The following PUM1 variants were observed in gnomAD, a reference collection of about 807,000 sequenced individuals.
PUM1 encodes pumilio homolog 1.
A neutral mutation model predicts 131.8 loss-of-function variants in PUM1; 13 were observed. That is an observed-to-expected ratio of 0.10 (90% CI 0.06 to 0.16). The LOEUF is 0.16. Among genes scored for constraint, PUM1 ranks in the 10% least tolerant of loss-of-function variants. The pLI is 1.00. For synonymous variants in PUM1, 509 were observed against 556.5 expected, an observed-to-expected ratio of 0.91 and a Z score of 1.20; for missense variants, 961 against 1,512.4, an observed-to-expected ratio of 0.64 and a Z score of 6.05.
rs763219025 is a variant in PUM1, at chr1:31,059,491, G to A, written c.76C>T (p.Pro26Ser). The A allele has an allele frequency of 5.7e-5, 92 of 1,614,192 alleles. 9 individuals carry two copies. The South Asian group carries it at 9.9e-4, about 17-fold the overall frequency. The change falls in exon 2 of 22, where the codon CCT becomes TCT. Residue 26 changes from proline (P) to serine (S), a missense_variant. Pro to Ser is a moderately conservative substitution (Grantham distance 74). Transcript: ENST00000426105. ...DSFSPHLKHH[P>S]QEPANPNMPV... The stretch of plus-strand genomic sequence containing the variant: ...ATGTTGGGATTAGCTGGTTCTTGAG[G>A]GTGATGTTTCAGGTGGGGGCTGAAA...
At chr1:30,957,087 T>TTCACACACAC (rs1553145750) in intron 14 of PUM1, among the ~76,000 whole-genome samples, 1 of 139,904 alleles carries the variant, frequency 7.1e-6, no homozygotes, top group African/African-American at 2.7e-5. Flanking sequence ...AGGACATTCA[T>TTCACACACAC]ACACACACAC....
At chr1:31,027,872 AAAGT>A (rs1643283190) in intron 3 of PUM1, among the ~76,000 whole-genome samples, 1 of 152,210 alleles carries the variant, frequency 6.6e-6, no homozygotes, top group African/African-American at 2.4e-5. Context: ...ACCCTAGAAT[AAAGT>A]AATTCTCCCT....
At chr1:30,999,115 C>T (rs1302021630) in intron 5 of PUM1, among the ~76,000 whole-genome samples, 1 of 152,168 alleles carries the variant, frequency 6.6e-6, no homozygotes, top group Admixed American at 6.5e-5. Context: ...ATCCTTCCAC[C>T]TTAGCCTCCC....
chr1:31,034,968 T>C (rs571134652), intron 2 of PUM1, among the ~76,000 whole-genome samples: 1 of 152,264 alleles, frequency 6.6e-6, no homozygotes, highest in African/African-American at 2.4e-5. Flanking sequence ...GGAAAGAGAA[T>C]ATAAGAATTA....
rs58848270 is a variant in PUM1, at chr1:30,942,191, TTATA to T, written c.2995-72_2995-69del. ...ACCACCTTCAATGCTTCAGTATTGTTTATATATATATATATATATATATATATAT... is the reference window on the plus strand; with the variant it reads ...ACCACCTTCAATGCTTCAGTATTGTTTATATATATATATATATATATATAT... On this transcript the variant is annotated intron_variant, in intron 18 of 21. Transcript: ENST00000426105. 9.8e-3 allele frequency: 1,422 copies of T among 144,838 alleles called. 7 individuals are homozygous for T. The highest frequency in any genetic ancestry group is 0.021 in the African/African-American group (351 of 16,520). 9.0% of individuals were successfully genotyped at this position (144,838 alleles called of 1,614,324 possible).
intron 2 of PUM1, among the ~76,000 whole-genome samples, chr1:31,044,411 A>G (rs1394483706): frequency 3.3e-5 from 5 of 152,108 alleles, no homozygotes; most frequent in Non-Finnish European, 7.3e-5. Flanking sequence ...AAAATAAAAA[A>G]TAAAAATAAA....
chr1:30,991,550 C>G (rs1238792790), intron 7 of PUM1, among the ~76,000 whole-genome samples: 1 of 152,174 alleles, frequency 6.6e-6, no homozygotes, highest in African/African-American at 2.4e-5. Context: ...AAATGAGATG[C>G]TAACCTTTCA....
intron 2 of PUM1, among the ~76,000 whole-genome samples, chr1:31,037,495 G>A (rs1643649626): frequency 6.6e-6 from 1 of 152,130 alleles, no homozygotes; most frequent in South Asian, 2.1e-4. Context: ...AAGGCGGGCG[G>A]ATCACTTGAG....
intron 20 of PUM1, among the ~76,000 whole-genome samples, chr1:30,939,998 G>A (rs988891150): frequency 7.9e-5 from 12 of 152,242 alleles, no homozygotes; most frequent in African/African-American, 2.6e-4. Flanking sequence ...GAGAACCCAA[G>A]AGATTCTGAT....
chr1:31,040,357 C>G (rs1360321881), intron 2 of PUM1, among the ~76,000 whole-genome samples: 1 of 152,050 alleles, frequency 6.6e-6, no homozygotes, highest in Non-Finnish European at 1.5e-5. Flanking sequence ...AGGCACCCAA[C>G]CTTGGAGAAA....
At chr1:30,959,600 T>G (rs1640319928) in intron 14 of PUM1, among the ~76,000 whole-genome samples, 1 of 152,030 alleles carries the variant, frequency 6.6e-6, no homozygotes, top group Non-Finnish European at 1.5e-5. Context: ...AAAAGCCACA[T>G]GATCGTCAAT....
intron 1 of PUM1, 82 bp downstream of exon 1, chr1:31,065,534 T>G: frequency 7.2e-7 from 1 of 1,392,378 alleles, no homozygotes; most frequent in African/African-American, 1.5e-5. Context: ...CCACAACCAC[T>G]CTCAAACACC....
At chr1:31,057,174 C>T (rs575687182) in intron 2 of PUM1, among the ~76,000 whole-genome samples, 2 of 152,232 alleles carry the variant, frequency 1.3e-5, no homozygotes, top group African/African-American at 4.8e-5. Flanking sequence ...GAGTCCAAGG[C>T]AGGTGGATCA....
intron 9 of PUM1, among the ~76,000 whole-genome samples, chr1:30,977,390 A>C (rs1264162672): frequency 6.6e-6 from 1 of 152,196 alleles, no homozygotes; most frequent in Non-Finnish European, 1.5e-5. Flanking sequence ...TAATAGTCCC[A>C]ACGCTCTCCC....
chr1:30,989,896 A>T (rs1641720832), intron 7 of PUM1, among the ~76,000 whole-genome samples: 1 of 152,194 alleles, frequency 6.6e-6, no homozygotes, highest in African/African-American at 2.4e-5. Flanking sequence ...TTATCTACAA[A>T]ACTGAGTGTC....
At chr1:30,958,950 T>C (rs1299434038) in intron 14 of PUM1, among the ~76,000 whole-genome samples, 4 of 152,110 alleles carry the variant, frequency 2.6e-5, no homozygotes, top group Non-Finnish European at 5.9e-5. Context: ...ATGGGGAAGA[T>C]GGGAGAGGAA....
intron 7 of PUM1, among the ~76,000 whole-genome samples, chr1:30,986,973 T>C (rs1309941541): frequency 1.3e-5 from 2 of 152,206 alleles, no homozygotes; most frequent in Non-Finnish European, 2.9e-5. Flanking sequence ...ATGAATACCA[T>C]ACTTCAACTT....
Position 30,967,324 on chromosome 1 carries a change from G to C in PUM1, c.1646-14C>G. The C allele has an allele frequency of 6.2e-7, 1 of 1,608,608 alleles. No homozygotes were observed. Among genetic ancestry groups the C allele is most frequent in the Non-Finnish European group, 8.5e-7 (1 of 1,175,412 alleles). On this transcript the variant is annotated splice_polypyrimidine_tract_variant and intron_variant, in intron 11 of 21. Coordinates refer to ENST00000426105, the MANE Select transcript of PUM1 (RefSeq NM_001020658.2). ...ACACCGGATAACCTAGGAATATCAA[G>C]CCAACAAAGAAATGTATATGTTAAA...
chr1:31,016,869 G>C (rs1557587607), intron 3 of PUM1, among the ~76,000 whole-genome samples: 1 of 152,124 alleles, frequency 6.6e-6, no homozygotes, highest in East Asian at 1.9e-4. Flanking sequence ...TAATTATGCA[G>C]TATATAAATT....
Sources: gnomAD v4.1 joint callset for allele counts (sites outside exome capture counted in the v4.1 genomes callset) on GRCh38, gnomAD v4.1.1 for gene constraint, MANE v1.5 for transcripts, NCBI Gene and HGNC (gene_info 2026-07-23, HGNC 2026-07-21) for gene names.